The following NAV2 variants were observed in gnomAD, a reference collection of about 807,000 sequenced individuals.
NAV2 encodes neuron navigator 2, also known as helicase, APC down-regulated 1.
Under a neutral mutation model 223.2 loss-of-function variants are expected in NAV2, and 54 were observed. The observed-to-expected ratio is 0.24, with a 90% CI of 0.19 to 0.30. The LOEUF (loss-of-function observed/expected upper bound fraction) is 0.30, where lower values mean the gene tolerates loss of function less well. NAV2 is among the 10% of genes least tolerant of loss of function. The pLI is 1.00. For missense variants in NAV2, 2,806 were observed against 3,147.5 expected (o/e 0.89, Z 2.60); for synonymous variants, 1,279 against 1,239.3 (o/e 1.03, Z -0.67).
intron 25 of NAV2, among the ~76,000 whole-genome samples, chr11:20,081,234 CTTTTT>C (rs1365712004): frequency 1.3e-5 from 2 of 152,088 alleles, no homozygotes; most frequent in Non-Finnish European, 2.9e-5. Flanking sequence ...ATTAAATTTT[CTTTTT>C]TAAGTTACTA....
intron 3 of NAV2, among the ~76,000 whole-genome samples, chr11:19,868,078 G>A (rs954386557): frequency 2.6e-5 from 4 of 152,094 alleles, no homozygotes; most frequent in African/African-American, 9.7e-5. Context: ...AACCTGGGAA[G>A]TAATGAGGGG....
chr11:19,629,094 G>A (rs2047263014), intron 1 of NAV2, among the ~76,000 whole-genome samples: 1 of 152,100 alleles, frequency 6.6e-6, no homozygotes, highest in Non-Finnish European at 1.5e-5. Context: ...AAAATGTGGT[G>A]GCCATTCATT....
intron 11 of NAV2, among the ~76,000 whole-genome samples, chr11:20,029,309 G>A (rs972430929): frequency 6.6e-6 from 1 of 152,210 alleles, no homozygotes; most frequent in African/African-American, 2.4e-5. Flanking sequence ...GAAGCCTGGA[G>A]CAAAGGCCTG....
chr11:19,466,277 G>A (rs559932474), intron 1 of NAV2, among the ~76,000 whole-genome samples: 10 of 152,256 alleles, frequency 6.6e-5, no homozygotes, highest in Middle Eastern at 3.4e-3. Flanking sequence ...ACCTCGATGC[G>A]GAAAATCCAT....
chr11:20,118,318 A>G lies in NAV2; in HGVS notation c.*60A>G. 6 of 1,581,598 alleles carry G rather than the reference A, an allele frequency of 3.8e-6. No individual in the cohort carries two copies. In the South Asian group the frequency reaches 6.7e-5, roughly 18 times the overall value. The stretch of plus-strand genomic sequence containing the variant: ...TCACCGCATTCCACCTGCATCCCCC[A>G]CATCACCCTGAAGATGACTTCCTGA... On this transcript the variant is annotated 3_prime_UTR_variant, in exon 38 of 38. Transcript: ENST00000349880.
At chr11:20,109,842 G>A (rs1472910531) in intron 36 of NAV2, among the ~76,000 whole-genome samples, 1 of 152,348 alleles carries the variant, frequency 6.6e-6, no homozygotes, top group African/African-American at 2.4e-5. Flanking sequence ...GGCCTCCCCT[G>A]CCCTGGAAGG....
intron 11 of NAV2, among the ~76,000 whole-genome samples, chr11:20,006,927 T>C (rs919542930): frequency 2.0e-5 from 3 of 151,928 alleles, no homozygotes; most frequent in Admixed American, 6.6e-5. Flanking sequence ...GAGCTGAGAC[T>C]GGACCCTGGT....
At chr11:19,716,415 A>G (rs2050319960) in intron 1 of NAV2, among the ~76,000 whole-genome samples, 1 of 151,338 alleles carries the variant, frequency 6.6e-6, no homozygotes, top group African/African-American at 2.5e-5. Flanking sequence ...ATTAAGAAAA[A>G]TAACGTAAAG....
intron 1 of NAV2, among the ~76,000 whole-genome samples, chr11:19,438,566 A>T (rs1851291338): frequency 6.6e-6 from 1 of 152,192 alleles, no homozygotes; most frequent in Non-Finnish European, 1.5e-5. Context: ...CATTCCAACA[A>T]TTCCATTCAA....
chr11:19,964,895 C>A (rs1283526090), intron 10 of NAV2, among the ~76,000 whole-genome samples: 2 of 144,572 alleles, frequency 1.4e-5, no homozygotes, highest in Non-Finnish European at 3.0e-5. Context: ...TCTCGGCTCA[C>A]CACAACCTCT....
At chr11:19,603,295 A>G (rs900344565) in intron 1 of NAV2, among the ~76,000 whole-genome samples, 1 of 152,144 alleles carries the variant, frequency 6.6e-6, no homozygotes, top group South Asian at 2.1e-4. Context: ...AGTTATAAAC[A>G]CCCACTATGT....
At chr11:19,936,875 C>T (rs2045952629) in intron 7 of NAV2, among the ~76,000 whole-genome samples, 1 of 152,128 alleles carries the variant, frequency 6.6e-6, no homozygotes, top group Non-Finnish European at 1.5e-5. Flanking sequence ...TGGTGGCTTA[C>T]ACCTGAAATC....
chr11:19,351,364 C>T (rs1242235918), intron 1 of NAV2, among the ~76,000 whole-genome samples: 1 of 152,208 alleles, frequency 6.6e-6, no homozygotes, highest in Non-Finnish European at 1.5e-5. Flanking sequence ...GATTCACACA[C>T]TCTTAGCACC....
intron 1 of NAV2, among the ~76,000 whole-genome samples, chr11:19,438,162 G>A (rs1249748574): frequency 6.6e-6 from 1 of 152,208 alleles, no homozygotes; most frequent in African/African-American, 2.4e-5. Context: ...GGTTAAAAGA[G>A]GAGTTCCCTG....
intron 1 of NAV2, among the ~76,000 whole-genome samples, chr11:19,424,816 G>A (rs1850761046): frequency 6.6e-6 from 1 of 152,072 alleles, no homozygotes; most frequent in Admixed American, 6.6e-5. Flanking sequence ...CTCCCAAAGC[G>A]CTAGGATTAC....
intron 10 of NAV2, among the ~76,000 whole-genome samples, chr11:19,958,136 C>G (rs1025527649): frequency 6.6e-6 from 1 of 152,152 alleles, no homozygotes; most frequent in African/African-American, 2.4e-5. Flanking sequence ...TGCCTGCCAC[C>G]CACCCTTACA....
chr11:19,739,120 T>C (rs924723837), intron 1 of NAV2, among the ~76,000 whole-genome samples: 1 of 152,160 alleles, frequency 6.6e-6, no homozygotes, highest in African/African-American at 2.4e-5. Flanking sequence ...AGTTTGAGGC[T>C]GCAGTGAACC....
At chr11:20,046,012 G>T (rs193211781) in intron 14 of NAV2, among the ~76,000 whole-genome samples, 59 of 152,292 alleles carry the variant, frequency 3.9e-4, no homozygotes, top group African/African-American at 1.4e-3. Context: ...CATCTTTGTA[G>T]CTGTGTCTGG....
chr11:19,941,423 ATTTTTTTT>A (rs72262826), intron 8 of NAV2, among the ~76,000 whole-genome samples: 2 of 137,448 alleles, frequency 1.5e-5, no homozygotes, highest in African/African-American at 3.1e-5. Context: ...ACTATGTTGA[ATTTTTTTT>A]TATGGAGACA....
Sources: gnomAD v4.1 joint callset for allele counts (sites outside exome capture counted in the v4.1 genomes callset) on GRCh38, gnomAD v4.1.1 for gene constraint, MANE v1.5 for transcripts, NCBI Gene and HGNC (gene_info 2026-07-23, HGNC 2026-07-21) for gene names.